DDX31: variants seen among roughly 807,000 people sequenced by gnomAD.
The protein encoded by DDX31 is DEAD-box helicase 31.
In DDX31, 70 loss-of-function variants were observed where a neutral mutation model predicts 91.3. The observed-to-expected ratio is 0.77, with a 90% CI of 0.63 to 0.94. The LOEUF is 0.94. Among genes scored for constraint, DDX31 ranks in the 40% least tolerant of loss-of-function variants. DDX31 has a pLI of 0.00. For missense variants in DDX31, 902 were observed against 925.0 expected, an observed-to-expected ratio of 0.98 and a Z score of 0.32; for synonymous variants, 362 against 350.6, an observed-to-expected ratio of 1.03 and a Z score of -0.36.
intron 6 of DDX31, among the ~76,000 whole-genome samples, chr9:132,657,926 A>G (rs1834675048): frequency 1.3e-5 from 2 of 152,246 alleles, no homozygotes; most frequent in African/African-American, 4.8e-5. Context: ...TTAACATTTC[A>G]GCTAAATGGC....
intron 19 of DDX31, among the ~76,000 whole-genome samples, chr9:132,607,927 C>G (rs1267742653): frequency 6.6e-6 from 1 of 152,174 alleles, no homozygotes; most frequent in Non-Finnish European, 1.5e-5. Context: ...ATTGAGCGTG[C>G]CTGCTCACTG....
rs527464267 is a variant in DDX31 at position 132,594,155 on chromosome 9, A to G, written c.*711T>C. 94 of 152,330 alleles carry G rather than the reference A, an allele frequency of 6.2e-4. No individual in the cohort carries two copies. Among genetic ancestry groups the G allele is most frequent in the African/African-American group, 2.2e-3 (91 of 41,572 alleles). 9.4% of individuals were successfully genotyped at this position (152,330 alleles called of 1,614,324 possible). On this transcript the variant is annotated 3_prime_UTR_variant, in exon 20 of 20. Coordinates refer to ENST00000372159, the MANE Select transcript of DDX31 (RefSeq NM_022779.9). ...TGGGATACTGGTGCCTTTTGACTTC[A>G]AAGGCAAATAATAAAAAGCCAACAG...
At chr9:132,628,706 C>T (rs927376232) in intron 16 of DDX31, among the ~76,000 whole-genome samples, 6 of 152,110 alleles carry the variant, frequency 3.9e-5, no homozygotes, top group African/African-American at 9.7e-5. Context: ...TTAAAGTGAA[C>T]GAGCATGGGG....
chr9:132,617,999 T>C (rs1028892), intron 18 of DDX31, among the ~76,000 whole-genome samples: 46,295 of 152,102 alleles, frequency 0.3, 7,364 homozygotes, highest in Middle Eastern at 0.42. Context: ...TCTACTAACG[T>C]GTCACATGTC....
chr9:132,651,451 T>C (rs1265859455), intron 7 of DDX31, among the ~76,000 whole-genome samples: 1 of 152,146 alleles, frequency 6.6e-6, no homozygotes, highest in East Asian at 1.9e-4. Context: ...CAAAGTAACC[T>C]GAATTTGACT....
rs182899789 is a variant in DDX31, at chr9:132,634,217, C to T, written c.1441-2126G>A. Among the ~76,000 whole-genome samples, 10 of 152,226 alleles carry T rather than the reference C, an allele frequency of 6.6e-5. No homozygotes were observed. In the East Asian group the frequency reaches 1.9e-3, roughly 29 times the overall value. The stretch of plus-strand genomic sequence containing the variant: ...TAACAATGAATTCTTATCATTTCCC[C>T]TACAATTTTTATTTAGAAAAATTTA... On this transcript the variant is annotated intron_variant, in intron 14 of 19. Coordinates refer to ENST00000372159, the MANE Select transcript of DDX31 (RefSeq NM_022779.9).
intron 4 of DDX31, chr9:132,660,960 A>G (rs1834898198): frequency 2.0e-6 from 1 of 495,076 alleles, no homozygotes; most frequent in Admixed American, 4.0e-5. Flanking sequence ...GCGCTCATGC[A>G]GCCCACCTTC....
At chr9:132,668,045 G>A (rs1454010058) in intron 1 of DDX31, among the ~76,000 whole-genome samples, 4 of 152,138 alleles carry the variant, frequency 2.6e-5, no homozygotes, top group Non-Finnish European at 4.4e-5. Flanking sequence ...CGAATCCCAA[G>A]TGTATCCTAT....
intron 13 of DDX31, among the ~76,000 whole-genome samples, chr9:132,644,387 C>T (rs1326567716): frequency 6.6e-6 from 1 of 152,204 alleles, no homozygotes. Context: ...ATTAACTCAG[C>T]CAACCTTAAA....
At chr9:132,664,540 C>T (rs1241494048) in intron 1 of DDX31, among the ~76,000 whole-genome samples, 1 of 151,890 alleles carries the variant, frequency 6.6e-6, no homozygotes, top group Non-Finnish European at 1.5e-5. Context: ...GAAACCCTGT[C>T]TCTACAAAAA....
chr9:132,646,901 ACT>A lies in DDX31; in HGVS notation c.1123_1124del (p.Leu376GlnfsTer27), dbSNP rs1833873330. The A allele has an allele frequency of 6.2e-7, 1 of 1,613,768 alleles. No homozygotes were observed. Among genetic ancestry groups the A allele is most frequent in the Non-Finnish European group, 8.5e-7 (1 of 1,179,950 alleles). ...GAACCACAGTCACATGCTGCTTGAG[ACT>A]CTCTGGTATTGCAAAGCTGTCCAGC... ...DKLDSFAIPE[S>X]LKQHVTVVPS... On this transcript the variant is annotated frameshift_variant, in exon 12 of 20. Coordinates refer to ENST00000372159, the MANE Select transcript of DDX31 (RefSeq NM_022779.9). LOFTEE classifies it high-confidence loss of function.
chr9:132,644,577 TG>T (rs1269877549), intron 13 of DDX31, among the ~76,000 whole-genome samples: 1 of 152,218 alleles, frequency 6.6e-6, no homozygotes, highest in Non-Finnish European at 1.5e-5. Context: ...CAAAGTGAGA[TG>T]AACAGCCTCT....
chr9:132,615,688 G>A (rs986574459), intron 18 of DDX31, among the ~76,000 whole-genome samples: 3 of 152,224 alleles, frequency 2.0e-5, no homozygotes, highest in African/African-American at 4.8e-5. Flanking sequence ...TGCAGGCAGA[G>A]GACTCTAGCT....
At chr9:132,662,813 C>T in intron 1 of DDX31, 118 bp from the exon 2 acceptor site, 4 of 1,338,192 alleles carry the variant, frequency 3.0e-6, no homozygotes, top group Non-Finnish European at 4.1e-6. Flanking sequence ...ATCATTATGC[C>T]CCATATGTCA....
intron 16 of DDX31, among the ~76,000 whole-genome samples, chr9:132,628,792 A>C (rs1564301608): frequency 6.6e-6 from 1 of 152,224 alleles, no homozygotes; most frequent in Non-Finnish European, 1.5e-5. Context: ...GAAGAGGAAA[A>C]GAAGTGTGAA....
chr9:132,669,742 T>C (rs929089907), intron 1 of DDX31, 118 bp downstream of exon 1: 3 of 1,529,848 alleles, frequency 2.0e-6, no homozygotes, highest in Non-Finnish European at 1.7e-6. Context: ...CCGGTGTCTT[T>C]CTCCCGCTTA....
At chr9:132,633,657 G>GGT (rs1832927973) in intron 14 of DDX31, among the ~76,000 whole-genome samples, 2 of 151,832 alleles carry the variant, frequency 1.3e-5, no homozygotes, top group African/African-American at 2.4e-5. Flanking sequence ...AGGAAATAAT[G>GGT]GTGGGAAGAA....
intron 6 of DDX31, chr9:132,657,962 T>G: frequency 1.1e-4 from 26 of 244,026 alleles, no homozygotes; most frequent in East Asian, 4.0e-4. Context: ...TTACTGTTCA[T>G]GAGAAACCAC....
At position 132,595,028 on chromosome 9, in the gene DDX31, G is replaced by A. The variant is rs770709112; in HGVS notation, c.2079C>T (p.Asp693=). 2 of 1,614,218 alleles carry A rather than the reference G, an allele frequency of 1.2e-6. No individual in the cohort carries two copies. Among genetic ancestry groups the A allele is most frequent in the Non-Finnish European group, 8.5e-7 (1 of 1,180,040 alleles). ...RSEYSSGMEA[D]IAKVKKQNAP... ...CGTTTTGCTTTTTGACCTTGGCGAT[G>A]TCGGCCTCCATGCCGCTTGAGTATT... is the stretch of plus-strand genomic sequence containing the variant. The change falls in exon 20 of 20, where the codon GAC becomes GAT. Residue 693 remains aspartate (D), a synonymous_variant. Coordinates refer to ENST00000372159, the MANE Select transcript of DDX31 (RefSeq NM_022779.9). The surrounding 1 kb of genome is among the most constrained non-coding windows in gnomAD (Gnocchi z 4.6).
Sources: allele counts gnomAD v4.1 joint callset (sites outside exome capture counted in the v4.1 genomes callset), GRCh38; gene constraint gnomAD v4.1.1; non-coding constraint Gnocchi (gnomAD v3.1); transcripts MANE v1.5; gene names NCBI Gene and HGNC (gene_info 2026-07-23, HGNC 2026-07-21).